Variants in PLEC observed in about 807,000 individuals in gnomAD.
The protein encoded by PLEC is hemidesmosomal protein 1.
In PLEC, 216 loss-of-function variants were observed where a neutral mutation model predicts 392.8. That is an observed-to-expected ratio of 0.55 (90% CI 0.49 to 0.62). The LOEUF is 0.62. Ranked by LOEUF, PLEC falls within the 20% of genes least tolerant of loss-of-function variation. The probability of loss-of-function intolerance (pLI) is 0.00; values close to 1 mark genes in which losing one functional copy is unlikely to be tolerated. For missense variants in PLEC, 6,863 were observed against 6,563.4 expected (o/e 1.05, Z -1.58); for synonymous variants, 3,621 against 2,980.6 (o/e 1.21, Z -7.00).
chr8:143,949,651 C>A (rs568742949), intron 1 of PLEC, among the ~76,000 whole-genome samples: 3 of 152,376 alleles, frequency 2.0e-5, no homozygotes, highest in South Asian at 2.1e-4. Context: ...CGCCCAGGGC[C>A]GTCCCCAGCC....
upstream of PLEC, chr8:143,975,053 C>G (rs574540599): frequency 6.7e-4 from 751 of 1,118,790 alleles, 9 homozygotes; most frequent in East Asian, 0.018. This position sits in a 1 kb window ranked among gnomAD's most constrained non-coding sequence, Gnocchi z 9.9. Flanking sequence ...GCGAGGCCCT[C>G]CGTGACCCGC....
chr8:143,939,322 C>A, intron 1 of PLEC, 28 bp downstream of exon 1: 1 of 1,599,148 alleles, frequency 6.3e-7, no homozygotes. Context: ...CCCTGCCTGG[C>A]GGGGGTGCCC....
Position 143,923,502 on chromosome 8 carries a change from C to G in PLEC, c.6427G>C (p.Glu2143Gln). 6.3e-7 allele frequency: 1 copy of G among 1,598,442 alleles called. No individual in the cohort carries two copies. The highest frequency in any genetic ancestry group is 8.5e-7 in the Non-Finnish European group (1 of 1,175,152). Reference protein sequence around the residue: ...AAAEKLRKEAEQEAARRAQAE... With the variant: ...AAAEKLRKEAQQEAARRAQAE... Reference sequence around the variant, plus strand: ...TGTGCCCGCCGCGCCGCCTCTTGCTCGGCCTCCTTGCGCAGCTTCTCTGCA... The same window carrying G: ...TGTGCCCGCCGCGCCGCCTCTTGCTGGGCCTCCTTGCGCAGCTTCTCTGCA... Residue 2143 changes from glutamate (E) to glutamine (Q), a missense_variant, in exon 31 of 32, where the codon GAG becomes CAG. By Grantham distance (29) the Glu-to-Gln change is conservative. Coordinates refer to ENST00000345136, the MANE Select transcript of PLEC (RefSeq NM_201384.3).
Position 143,932,481 on chromosome 8 carries a change from C to G in PLEC, c.1896G>C (p.Leu632=). 6.2e-7 allele frequency: 1 copy of G among 1,612,754 alleles called. No individual in the cohort carries two copies. Among genetic ancestry groups the G allele is most frequent in the Non-Finnish European group, 8.5e-7 (1 of 1,179,986 alleles). ...CCACCTCCTCCTCCTCCTTCTCATT[C>G]AGCCACATTAGCTCCTTAGTGGCGG... ...VAAATKELMW[L]NEKEEEEVGF... is the part of the protein sequence containing the mutation. Residue 632 remains leucine, a synonymous_variant, in exon 16 of 32, where the codon CTG becomes CTC. Transcript: ENST00000345136.
chr8:143,939,362 C>G lies in PLEC; in HGVS notation c.100G>C (p.Glu34Gln). Residue 34 changes from glutamate (E) to glutamine (Q), a missense_variant, in exon 1 of 32, where the codon GAG (glutamate) becomes CAG (glutamine). Transcript: ENST00000345136. Reference sequence around the variant, plus strand: ...GGAGCCCTGCTACCTTTCTTGCCCTCAGAGGCCCTGAGCACAGCCAGGTAC... The same window carrying G: ...GGAGCCCTGCTACCTTTCTTGCCCTGAGAGGCCCTGAGCACAGCCAGGTAC... ...NLYLAVLRAS[E>Q]GKKDERDRVQ... is the part of the protein sequence containing the mutation. 6.2e-7 allele frequency: 1 copy of G among 1,612,190 alleles called. No homozygotes were observed. Among genetic ancestry groups the G allele is most frequent in the Non-Finnish European group, 8.5e-7 (1 of 1,179,622 alleles).
intron 1 of PLEC, among the ~76,000 whole-genome samples, chr8:143,971,851 C>G (rs1352583277): frequency 6.6e-6 from 1 of 152,044 alleles, no homozygotes; most frequent in Non-Finnish European, 1.5e-5. Context: ...TGGGCCAAGA[C>G]TGCGAGTGTG....
At position 143,917,057 on chromosome 8, in the gene PLEC, G is replaced by A. The variant is rs782361755; in HGVS notation, c.12764C>T (p.Ser4255Phe). The A allele has an allele frequency of 6.2e-6, 10 of 1,607,604 alleles. No individual in the cohort carries two copies. The highest frequency in any genetic ancestry group is 8.5e-6 in the Non-Finnish European group (10 of 1,175,566). ...SRSSSVGSSS[S>F]YPISPAVSRT... ...GGAGACGGCGGGGCTGATGGGGTAG[G>A]AGGAGGAGGATCCCACCGAGGAGGA... Residue 4255 changes from serine to phenylalanine, a missense_variant, in exon 32 of 32, where the codon TCC (serine) becomes TTC (phenylalanine). Physicochemically the swap from Ser to Phe is radical, Grantham distance 155. Coordinates refer to ENST00000345136, the MANE Select transcript of PLEC (RefSeq NM_201384.3).
rs782437526 is a variant in PLEC at position 143,935,832 on chromosome 8, C to G, written c.602+16G>C. 2.0e-5 allele frequency: 32 copies of G among 1,612,312 alleles called. No individual in the cohort carries two copies. The Admixed American group carries it at 5.3e-4, about 27-fold the overall frequency. ...GTGCCCCCAGCCCACAGCCCCCTGC[C>G]CCCGGGGCCATGTACTTGTGCCGGT... On this transcript the variant is annotated intron_variant, in intron 6 of 31. Coordinates refer to ENST00000345136, the MANE Select transcript of PLEC (RefSeq NM_201384.3).
Position 143,934,730 on chromosome 8 carries a change from T to G in PLEC, c.946A>C (p.Ile316Leu). The G allele has an allele frequency of 6.2e-7, 1 of 1,612,488 alleles. No homozygotes were observed. Among genetic ancestry groups the G allele is most frequent in the African/African-American group, 1.3e-5 (1 of 75,044 alleles). Reference sequence around the variant, plus strand: ...AACTTCAGGAACTGAGACCACAGGATCTGCCAGGGACGAGGCTGTCGGCAA... The same window carrying G: ...AACTTCAGGAACTGAGACCACAGGAGCTGCCAGGGACGAGGCTGTCGGCAA... Reference protein sequence around the residue: ...RFPSSFEEIEILWSQFLKFKE... With the variant: ...RFPSSFEEIELLWSQFLKFKE... The change falls in exon 10 of 32, where the codon ATC becomes CTC. Residue 316 changes from isoleucine (I) to leucine (L), a missense_variant and splice_region_variant. Transcript: ENST00000345136.
upstream of PLEC, chr8:143,950,920 C>T (rs577910653): frequency 1.5e-4 from 143 of 983,034 alleles, no homozygotes; most frequent in South Asian, 2.0e-3. Flanking sequence ...CAATCCCTGC[C>T]GGCACTGCCG....
intron 2 of PLEC, 73 bp from the exon 3 acceptor site, chr8:143,938,313 G>C (rs1242652361): frequency 6.5e-7 from 1 of 1,536,804 alleles, no homozygotes; most frequent in Non-Finnish European, 8.8e-7. Flanking sequence ...CTGATCTACA[G>C]AGTGGGTGCT....
chr8:143,952,723 G>C (rs1458977981), upstream of PLEC, among the ~76,000 whole-genome samples: 1 of 152,138 alleles, frequency 6.6e-6, no homozygotes. Flanking sequence ...CGTGGACCTA[G>C]GTTCTCTCCT....
chr8:143,944,819 A>G lies in PLEC; in HGVS notation c.523+5365T>C, dbSNP rs1587318333. ...TCAGCAGCAGCTTGTGGGGGAGGGG[A>G]GCAGTGGGCAGGGGCCCAGGGGATA... is the stretch of plus-strand genomic sequence containing the variant. On this transcript the variant is annotated intron_variant, in intron 1 of 31. Transcript: ENST00000322810. 11 of 696,074 alleles carry G rather than the reference A, an allele frequency of 1.6e-5. No homozygotes were observed. The East Asian group carries it at 3.4e-4, about 22-fold the overall frequency. The allele number at this position is 696,074 out of a possible 1,614,324, so 43.1% of individuals were successfully genotyped here.
chr8:143,936,330 C>T (rs934511666), intron 5 of PLEC, among the ~76,000 whole-genome samples: 1 of 152,348 alleles, frequency 6.6e-6, no homozygotes, highest in Admixed American at 6.5e-5. Flanking sequence ...AGGCTGCACC[C>T]TGCACCTCCC....
In PLEC at chr8:143,923,001, TCTC is replaced by T; in HGVS notation, c.6925_6927del (p.Glu2309del). Reference sequence around the variant, plus strand: ...GCCTGCATCTTCTCCTTGAGCATCTTCTCTGCCAAGGCCCGCTGCTGTGCCAGG... The same window carrying T: ...GCCTGCATCTTCTCCTTGAGCATCTTTGCCAAGGCCCGCTGCTGTGCCAGG... On this transcript the variant is annotated inframe_deletion, in exon 31 of 32. Coordinates refer to ENST00000345136, the MANE Select transcript of PLEC (RefSeq NM_201384.3). 1 of 1,611,548 alleles carries T rather than the reference TCTC, an allele frequency of 6.2e-7. No homozygotes were observed. The highest frequency in any genetic ancestry group is 1.6e-4 in the Middle Eastern group (1 of 6,062).
chr8:143,927,793 G>T, intron 26 of PLEC, 27 bp from the exon 27 acceptor site: 2 of 1,588,102 alleles, frequency 1.3e-6, no homozygotes, highest in Non-Finnish European at 1.7e-6. Context: ...GGACATGTGC[G>T]GCTTCAGCTG....
In PLEC at chr8:143,920,680, G is replaced by A. The variant is rs1402714303; in HGVS notation, c.9141C>T (p.Asp3047=). The stretch of plus-strand genomic sequence containing the variant: ...CCACGGCCATGTCGGATGGCAGCAG[G>A]TCTTTCTTCAGGGCATTGTAGATAC... ...KLSIYNALKK[D]LLPSDMAVAL... is the part of the protein sequence containing the mutation. The change falls in exon 32 of 32, where the codon GAC becomes GAT. Residue 3047 remains aspartate (D), a synonymous_variant. Transcript: ENST00000345136. 4 of 1,603,004 alleles carry A rather than the reference G, an allele frequency of 2.5e-6. No homozygotes were observed. The highest frequency in any genetic ancestry group is 2.5e-6 in the Non-Finnish European group (3 of 1,179,890).
chr8:143,947,562 T>C (rs2132654596), intron 1 of PLEC, among the ~76,000 whole-genome samples: 1 of 151,420 alleles, frequency 6.6e-6, no homozygotes, highest in South Asian at 2.1e-4. Context: ...CTGGCCAACA[T>C]GGCGAAACCC....
chr8:143,919,675 G>A lies in PLEC; in HGVS notation c.10146C>T (p.Ala3382=), dbSNP rs1821863078. The change falls in exon 32 of 32, where the codon GCC becomes GCT. Residue 3382 remains alanine, a synonymous_variant. Transcript: ENST00000345136. ...YEAMRRGLLR[A]TTAALLLEAQ... is the part of the protein sequence containing the mutation. The stretch of plus-strand genomic sequence containing the variant: ...CCTCCAGCAGGAGCGCAGCCGTTGT[G>A]GCTCTCAGCAGGCCCCGGCGCATGG... The A allele has an allele frequency of 1.3e-6, 2 of 1,599,144 alleles. No individual in the cohort carries two copies. Among genetic ancestry groups the A allele is most frequent in the Middle Eastern group, 1.7e-4 (1 of 6,000 alleles).
Sources: gnomAD v4.1 joint callset for allele counts (sites outside exome capture counted in the v4.1 genomes callset) on GRCh38, gnomAD v4.1.1 for gene constraint, Gnocchi (gnomAD v3.1) non-coding constraint, MANE v1.5 for transcripts, NCBI Gene and HGNC (gene_info 2026-07-23, HGNC 2026-07-21) for gene names.